Variants in WDR75 observed in about 807,000 individuals in gnomAD.
WDR75 encodes WD repeat domain 75, also known as WD repeat-containing protein 75.
A neutral mutation model predicts 106.1 loss-of-function variants in WDR75; 52 were observed. The observed-to-expected ratio is 0.49, with a 90% CI of 0.39 to 0.62. The LOEUF (loss-of-function observed/expected upper bound fraction) is 0.62, where lower values mean the gene tolerates loss of function less well. Ranked by LOEUF, WDR75 falls within the 20% of genes least tolerant of loss-of-function variation. The probability of loss-of-function intolerance (pLI) is 0.00; values close to 1 mark genes in which losing one functional copy is unlikely to be tolerated. For synonymous variants in WDR75, 333 were observed against 335.5 expected, an observed-to-expected ratio of 0.99 and a Z score of 0.08; for missense variants, 905 against 970.3, an observed-to-expected ratio of 0.93 and a Z score of 0.89.
chr2:189,444,226 A>G (rs1686446898), intron 1 of WDR75, among the ~76,000 whole-genome samples: 1 of 152,204 alleles, frequency 6.6e-6, no homozygotes, highest in South Asian at 2.1e-4. Flanking sequence ...GCTGCCTTAT[A>G]CAAAGAGGAA....
chr2:189,466,520 T>G lies in WDR75; in HGVS notation c.1385T>G (p.Val462Gly). The change falls in exon 13 of 21, where the codon GTT (valine) becomes GGT (glycine). Residue 462 changes from valine (V) to glycine (G), a missense_variant. Transcript: ENST00000314761. ...NAEKSEQPTL[V>G]TASKDGYFKV... ...GAAAAATCTGAACAGCCCACCTTGG[T>G]TACAGCTAGCAAAGATGGTTACTTC... 6.2e-7 allele frequency: 1 copy of G among 1,613,364 alleles called. No homozygotes were observed. The highest frequency in any genetic ancestry group is 1.1e-5 in the South Asian group (1 of 91,056).
intron 13 of WDR75, among the ~76,000 whole-genome samples, 180 bp downstream of exon 13, chr2:189,466,762 T>G (rs1383373619): frequency 6.6e-6 from 1 of 152,158 alleles, no homozygotes; most frequent in Non-Finnish European, 1.5e-5. Context: ...TCAAATCTGT[T>G]CTTTTTAAAT....
chr2:189,443,291 G>A (rs1314450565), intron 1 of WDR75, among the ~76,000 whole-genome samples: 1 of 152,174 alleles, frequency 6.6e-6, no homozygotes, highest in East Asian at 1.9e-4. Flanking sequence ...GGGGAATATG[G>A]ACAGAAGACA....
At chr2:189,459,187 A>G (rs1416610697) in intron 7 of WDR75, 149 bp from the exon 8 acceptor site, 1 of 629,850 alleles carries the variant, frequency 1.6e-6, no homozygotes, top group Non-Finnish European at 2.6e-6. Context: ...CACTCTGGTT[A>G]GAAATAGAAA....
intron 18 of WDR75, among the ~76,000 whole-genome samples, chr2:189,473,894 G>A (rs916062065): frequency 1.3e-5 from 2 of 152,136 alleles, no homozygotes; most frequent in African/African-American, 4.8e-5. Context: ...ATCATTGTGA[G>A]TATGTGCCCT....
chr2:189,452,931 A>G (rs1268303641), intron 4 of WDR75, among the ~76,000 whole-genome samples: 2 of 152,170 alleles, frequency 1.3e-5, no homozygotes, highest in Non-Finnish European at 2.9e-5. Context: ...AGGCCAGGGC[A>G]GGAGGATTGC....
intron 2 of WDR75, chr2:189,450,137 T>C (rs1686585949): frequency 1.0e-6 from 1 of 960,746 alleles, no homozygotes; most frequent in South Asian, 4.8e-5. Context: ...TGACATTGCC[T>C]CAGCATCCAA....
At chr2:189,454,528 G>GTT (rs139716448) in intron 4 of WDR75, among the ~76,000 whole-genome samples, 18 of 130,056 alleles carry the variant, frequency 1.4e-4, no homozygotes, top group Non-Finnish European at 1.3e-4. Flanking sequence ...TATTTCTTTT[G>GTT]TTTTTTTTTT....
At position 189,448,909 on chromosome 2, in the gene WDR75, T is replaced by C. The variant is rs1442805190; in HGVS notation, c.216+401T>C. 12 of 470,730 alleles carry C rather than the reference T, an allele frequency of 2.5e-5. 1 individual carries two copies. The highest frequency in any genetic ancestry group is 4.7e-5 in the South Asian group (3 of 64,424). 29.2% of individuals were successfully genotyped at this position (470,730 alleles called of 1,614,324 possible). On this transcript the variant is annotated intron_variant, in intron 2 of 20. Coordinates refer to ENST00000314761, the MANE Select transcript of WDR75 (RefSeq NM_032168.3). ...GGTGTCTGGAACACATTTTGAAAAA[T>C]GTTGGCCAGGAGGTATTGATTTGGT...
chr2:189,466,694 A>G (rs1687008469), intron 13 of WDR75, 112 bp downstream of exon 13: 1 of 1,070,410 alleles, frequency 9.3e-7, no homozygotes, highest in Admixed American at 2.9e-5. Context: ...ATTGAATTCT[A>G]CAGGATATTG....
chr2:189,466,587 G>A lies in WDR75; in HGVS notation c.1447+5G>A. 6.3e-7 allele frequency: 1 copy of A among 1,597,610 alleles called. No individual in the cohort carries two copies. Among genetic ancestry groups the A allele is most frequent in the Non-Finnish European group, 8.5e-7 (1 of 1,172,498 alleles). Reference sequence around the variant, plus strand: ...CAGATGACTCTGACATATACAGTAAGTTATTAAATATGTTATGTTTAAAGT... The same window carrying A: ...CAGATGACTCTGACATATACAGTAAATTATTAAATATGTTATGTTTAAAGT... On this transcript the variant is annotated splice_donor_5th_base_variant and intron_variant, in intron 13 of 20. Coordinates refer to ENST00000314761, the MANE Select transcript of WDR75 (RefSeq NM_032168.3).
In WDR75 at chr2:189,451,898, A is replaced by G. The variant is rs756725690; in HGVS notation, c.373+3A>G. ...TATAGTGAATAAAGAAAAACCAGGTATGGTATAATTAACTTACTATATATG... is the reference window on the plus strand; with the variant it reads ...TATAGTGAATAAAGAAAAACCAGGTGTGGTATAATTAACTTACTATATATG... On this transcript the variant is annotated splice_donor_region_variant and intron_variant, in intron 4 of 20. Coordinates refer to ENST00000314761, the MANE Select transcript of WDR75 (RefSeq NM_032168.3). 1.9e-6 allele frequency: 3 copies of G among 1,608,128 alleles called. No homozygotes were observed. The highest frequency in any genetic ancestry group is 3.3e-5 in the Admixed American group (2 of 59,996).
In WDR75 at chr2:189,466,640, T is replaced by C. The variant is rs906362443; in HGVS notation, c.1447+58T>C. On this transcript the variant is annotated intron_variant, in intron 13 of 20. Transcript: ENST00000314761. ...GCACAATTTTAGGAATTAATTTCTT[T>C]TTCTCATGACTTGTATCCATCCTGG... 2.0e-6 allele frequency: 3 copies of C among 1,527,956 alleles called. No individual in the cohort carries two copies. The African/African-American group carries it at 4.2e-5, about 21-fold the overall frequency. The allele number at this position is 1,527,956 out of a possible 1,614,324, so 94.6% of individuals were successfully genotyped here.
intron 4 of WDR75, among the ~76,000 whole-genome samples, chr2:189,454,315 A>G (rs1686688113): frequency 1.3e-5 from 2 of 152,176 alleles, no homozygotes; most frequent in African/African-American, 4.8e-5. Context: ...AAAGGGATAT[A>G]AAGAGAAGAA....
In WDR75 at chr2:189,467,567, G is replaced by T; in HGVS notation, c.1547G>T (p.Ser516Ile). The change falls in exon 14 of 21, where the codon AGT (serine) becomes ATT (isoleucine). Residue 516 changes from serine to isoleucine, a missense_variant. Physicochemically the swap from Ser to Ile is moderately radical, Grantham distance 142 (BLOSUM62 -2). Transcript: ENST00000314761. ...FSEDGSLLAV[S>I]FEEIVTIWDS... The stretch of plus-strand genomic sequence containing the variant: ...GAAGATGGTTCTTTACTAGCAGTTA[G>T]TTTTGAGGAAATAGTCACAATATGG... The T allele has an allele frequency of 1.9e-6, 3 of 1,611,476 alleles. No individual in the cohort carries two copies. Among genetic ancestry groups the T allele is most frequent in the Non-Finnish European group, 2.5e-6 (3 of 1,178,638 alleles).
chr2:189,470,296 C>A, intron 17 of WDR75, 51 bp downstream of exon 17: 1 of 1,557,754 alleles, frequency 6.4e-7, no homozygotes, highest in South Asian at 1.2e-5. Flanking sequence ...GAATTTTAGA[C>A]TAATAGCCCA....
chr2:189,469,227 G>T (rs1687067993), intron 15 of WDR75, 117 bp from the exon 16 acceptor site: 1 of 763,418 alleles, frequency 1.3e-6, no homozygotes, highest in Admixed American at 2.1e-5. Context: ...ATTTCAGTGT[G>T]TCTCCATGTG....
At chr2:189,464,201 A>G (rs1686955952) in intron 11 of WDR75, 1 of 484,502 alleles carries the variant, frequency 2.1e-6, no homozygotes, top group Non-Finnish European at 3.6e-6. Flanking sequence ...TTTGTTTCAG[A>G]ATGCCCTCCT....
chr2:189,468,511 T>C lies in WDR75; in HGVS notation c.1665T>C (p.Tyr555=), dbSNP rs200111719. ...LCFGRLTCSK[Y]LLGATENGIL... Reference sequence around the variant, plus strand: ...TTGGGAGATTGACGTGTTCAAAGTATCTACTTGGTGCTACTGAAAATGGCA... The same window carrying C: ...TTGGGAGATTGACGTGTTCAAAGTACCTACTTGGTGCTACTGAAAATGGCA... The change falls in exon 15 of 21, where the codon TAT becomes TAC. Residue 555 remains tyrosine (Y), a synonymous_variant. Coordinates refer to ENST00000314761, the MANE Select transcript of WDR75 (RefSeq NM_032168.3). 31 of 1,613,450 alleles carry C rather than the reference T, an allele frequency of 1.9e-5. No homozygotes were observed. In the Admixed American group the frequency reaches 3.8e-4, roughly 20 times the overall value.
Sources: allele counts gnomAD v4.1 joint callset (sites outside exome capture counted in the v4.1 genomes callset), GRCh38; gene constraint gnomAD v4.1.1; transcripts MANE v1.5; gene names NCBI Gene and HGNC (gene_info 2026-07-23, HGNC 2026-07-21).